Variants in TASP1 observed in about 807,000 individuals in gnomAD.
TASP1 encodes threonine aspartase 1.
A neutral mutation model predicts 56.6 loss-of-function variants in TASP1; 16 were observed. The ratio of observed to expected loss-of-function variants is 0.28; its 90% CI spans 0.19 to 0.43. The LOEUF is 0.43. TASP1 is among the 20% of genes least tolerant of loss of function. The pLI is 1.00. For missense variants in TASP1, 393 were observed against 511.6 expected (o/e 0.77, Z 2.24); for synonymous variants, 179 against 184.2 (o/e 0.97, Z 0.23).
intron 4 of TASP1, among the ~76,000 whole-genome samples, chr20:13,615,256 G>A (rs1169110671): frequency 1.3e-5 from 2 of 152,142 alleles, no homozygotes; most frequent in African/African-American, 4.8e-5. Context: ...TACAGTACAT[G>A]TGTGTCATGA....
intron 10 of TASP1, among the ~76,000 whole-genome samples, chr20:13,518,678 T>TCA (rs757688272): frequency 3.6e-4 from 55 of 152,236 alleles, no homozygotes; most frequent in Middle Eastern, 3.4e-3. Flanking sequence ...ATTCAGCAGT[T>TCA]GTAGGTAATA....
At chr20:13,202,366 T>C in the TASP1 span, among the ~76,000 whole-genome samples, 14 of 152,216 alleles carry the variant, frequency 9.2e-5, no homozygotes, top group African/African-American at 3.4e-4. Flanking sequence ...TTGTAAAATG[T>C]AAAGAGGAAA....
chr20:13,171,408 T>C, the TASP1 span, among the ~76,000 whole-genome samples: 1 of 152,114 alleles, frequency 6.6e-6, no homozygotes, highest in African/African-American at 2.4e-5. Context: ...TTTTTAACTC[T>C]AAAAAAATTA....
At chr20:13,205,499 C>A in the TASP1 span, among the ~76,000 whole-genome samples, 1 of 152,164 alleles carries the variant, frequency 6.6e-6, no homozygotes, top group Non-Finnish European at 1.5e-5. Flanking sequence ...AAGATCAAGA[C>A]CCTAGCTGAT....
At chr20:13,266,285 A>C in the TASP1 span, among the ~76,000 whole-genome samples, 1 of 152,198 alleles carries the variant, frequency 6.6e-6, no homozygotes, top group Non-Finnish European at 1.5e-5. Context: ...CTAGGCTGTA[A>C]GAAGAGGATA....
the TASP1 span, among the ~76,000 whole-genome samples, chr20:13,213,887 A>G: frequency 3.6e-4 from 55 of 152,318 alleles, no homozygotes; most frequent in African/African-American, 1.3e-3. Flanking sequence ...TACAAACTGA[A>G]GGGCATTCTG....
chr20:13,491,051 TGA>T (rs2043509466), intron 10 of TASP1, among the ~76,000 whole-genome samples: 2 of 152,212 alleles, frequency 1.3e-5, no homozygotes, highest in African/African-American at 4.8e-5. Context: ...CAATCATCAC[TGA>T]GAGAGCCTAA....
chr20:13,392,769 C>A, intron 13 of TASP1: 1 of 599,842 alleles, frequency 1.7e-6, no homozygotes, highest in Non-Finnish European at 3.2e-6. Context: ...ATGTTCTCAC[C>A]ATCAGTGACC....
the TASP1 span, among the ~76,000 whole-genome samples, chr20:13,277,794 C>T: frequency 6.6e-6 from 1 of 152,072 alleles, no homozygotes; most frequent in Non-Finnish European, 1.5e-5. Flanking sequence ...GAGAAGGGTG[C>T]ACTTGGCCTG....
chr20:13,283,561 T>C, the TASP1 span, among the ~76,000 whole-genome samples: 1 of 152,312 alleles, frequency 6.6e-6, no homozygotes, highest in Non-Finnish European at 1.5e-5. Flanking sequence ...CAGACCCCAC[T>C]TGTGATGATG....
At chr20:13,230,091 A>C in the TASP1 span, among the ~76,000 whole-genome samples, 1 of 152,170 alleles carries the variant, frequency 6.6e-6, no homozygotes, top group South Asian at 2.1e-4. Flanking sequence ...TTAATCTTTG[A>C]GGTTTGGGGG....
intron 10 of TASP1, among the ~76,000 whole-genome samples, chr20:13,494,952 GAA>G (rs59891882): frequency 6.9e-6 from 1 of 144,162 alleles, no homozygotes; most frequent in Non-Finnish European, 1.5e-5. Flanking sequence ...TCATGAGCCA[GAA>G]AAAAAAAACC....
intron 11 of TASP1, among the ~76,000 whole-genome samples, chr20:13,466,034 T>C (rs1187810280): frequency 6.6e-6 from 1 of 152,142 alleles, no homozygotes; most frequent in Non-Finnish European, 1.5e-5. Context: ...CTGAGTAACA[T>C]TGGCAAGTTG....
chr20:13,333,980 T>C, the TASP1 span, among the ~76,000 whole-genome samples: 1 of 152,150 alleles, frequency 6.6e-6, no homozygotes, highest in Non-Finnish European at 1.5e-5. Flanking sequence ...TGATCCCAAC[T>C]GGAGAGGAAA....
the TASP1 span, among the ~76,000 whole-genome samples, chr20:13,304,740 C>T: frequency 6.6e-6 from 1 of 152,274 alleles, no homozygotes; most frequent in Middle Eastern, 3.4e-3. Context: ...ACTCCCTCAC[C>T]CCTCGAGTGG....
chr20:13,632,727 T>A (rs2049144358), intron 1 of TASP1, among the ~76,000 whole-genome samples: 1 of 152,204 alleles, frequency 6.6e-6, no homozygotes, highest in South Asian at 2.1e-4. Context: ...ACTGAAATAT[T>A]TTTTATTCAG....
intron 6 of TASP1, among the ~76,000 whole-genome samples, chr20:13,570,743 T>C (rs942864213): frequency 6.6e-6 from 1 of 152,098 alleles, no homozygotes; most frequent in African/African-American, 2.4e-5. Flanking sequence ...TAGAAAACAG[T>C]TTTTCCTATT....
intron 11 of TASP1, among the ~76,000 whole-genome samples, chr20:13,451,825 T>G (rs1451079353): frequency 6.6e-6 from 1 of 152,102 alleles, no homozygotes; most frequent in Admixed American, 6.6e-5. Context: ...TTTTGACCCA[T>G]CTCAGCTTTT....
chr20:13,319,793 T>C, the TASP1 span, among the ~76,000 whole-genome samples: 1 of 152,182 alleles, frequency 6.6e-6, no homozygotes, highest in Admixed American at 6.5e-5. Context: ...CCAGCCAACC[T>C]TCTTGTCCCT....
Sources: allele counts gnomAD v4.1 joint callset (sites outside exome capture counted in the v4.1 genomes callset), GRCh38; gene constraint gnomAD v4.1.1; transcripts MANE v1.5; gene names NCBI Gene and HGNC (gene_info 2026-07-23, HGNC 2026-07-21).